PARP8: variants seen among roughly 807,000 people sequenced by gnomAD.
PARP8 encodes poly(ADP-ribose) polymerase family member 8.
A neutral mutation model predicts 124.1 loss-of-function variants in PARP8; 51 were observed. That is an observed-to-expected ratio of 0.41 (90% CI 0.33 to 0.52). The LOEUF is 0.52. PARP8 is among the 20% of genes least tolerant of loss of function. The probability of loss-of-function intolerance (pLI) is 0.21; values close to 1 mark genes in which losing one functional copy is unlikely to be tolerated. For missense variants in PARP8, 860 were observed against 1,018.9 expected, an observed-to-expected ratio of 0.84 and a Z score of 2.12; for synonymous variants, 391 against 361.5, an observed-to-expected ratio of 1.08 and a Z score of -0.93.
chr5:50,771,451 G>A (rs779838666), intron 7 of PARP8, among the ~76,000 whole-genome samples: 4 of 152,116 alleles, frequency 2.6e-5, no homozygotes, highest in South Asian at 2.1e-4. Context: ...GAGCCACTGC[G>A]CCCAACCAAT....
intron 2 of PARP8, among the ~76,000 whole-genome samples, chr5:50,709,953 T>TATATATAC (rs1554047126): frequency 4.0e-5 from 3 of 75,018 alleles, no homozygotes; most frequent in African/African-American, 1.2e-4. Flanking sequence ...TATATATATA[T>TATATATAC]ATACACATAC....
At chr5:50,747,843 GC>G (rs1758779061) in intron 2 of PARP8, among the ~76,000 whole-genome samples, 1 of 139,698 alleles carries the variant, frequency 7.2e-6, no homozygotes, top group African/African-American at 2.7e-5. Context: ...CGCGATCTCG[GC>G]TCACTTCAAG....
At chr5:50,706,758 A>G (rs957762228) in intron 2 of PARP8, among the ~76,000 whole-genome samples, 1 of 152,064 alleles carries the variant, frequency 6.6e-6, no homozygotes, top group African/African-American at 2.4e-5. Context: ...CAGTATCCAC[A>G]ATAATTTGAA....
chr5:50,701,739 T>G (rs1753617083), intron 2 of PARP8, among the ~76,000 whole-genome samples: 1 of 152,144 alleles, frequency 6.6e-6, no homozygotes, highest in African/African-American at 2.4e-5. Context: ...TATAGCTACA[T>G]CCTACAAAAA....
intron 14 of PARP8, among the ~76,000 whole-genome samples, chr5:50,813,605 C>A (rs1327838709): frequency 1.3e-5 from 2 of 151,998 alleles, no homozygotes; most frequent in Admixed American, 1.3e-4. Flanking sequence ...GCCTGATTGC[C>A]CTGGCCAGAA....
chr5:50,821,226 T>A lies in PARP8; in HGVS notation c.1682T>A (p.Leu561Gln), dbSNP rs140755482. The change falls in exon 16 of 26, where the codon CTA becomes CAA. Residue 561 changes from leucine to glutamine, a missense_variant. This residue lies in a region of PARP8 where 343 missense variants were observed against 474.7 expected (regional missense o/e 0.72). Coordinates refer to ENST00000281631, the MANE Select transcript of PARP8 (RefSeq NM_024615.4). ...GTATATTTCAAGGTGGTAGATCTAC[T>A]AGTATCCATGTGTAGGTCTGCGTTG... ...IATGAQVVDL[L>Q]VSMCRSALES... 1 of 1,614,006 alleles carries A rather than the reference T, an allele frequency of 6.2e-7. No homozygotes were observed. The highest frequency in any genetic ancestry group is 1.7e-5 in the Admixed American group (1 of 60,028).
At chr5:50,762,225 CTT>C (rs2149579048) in intron 6 of PARP8, among the ~76,000 whole-genome samples, 1 of 152,168 alleles carries the variant, frequency 6.6e-6, no homozygotes, top group East Asian at 1.9e-4. Context: ...GATAATGACA[CTT>C]GTAATAAAAG....
intron 7 of PARP8, among the ~76,000 whole-genome samples, chr5:50,768,662 G>A (rs1761289973): frequency 6.6e-6 from 1 of 152,134 alleles, no homozygotes; most frequent in African/African-American, 2.4e-5. Context: ...ACAATCAGAT[G>A]TCTAGCTTCA....
rs545512058 is a variant in PARP8 at position 50,832,564 on chromosome 5, G to A, written c.2234-217G>A. ...ATTAATTTTATGCAGAAGAATTTTCGATCCTTGCTTTCAATGCAAAAAAAT... is the reference window on the plus strand; with the variant it reads ...ATTAATTTTATGCAGAAGAATTTTCAATCCTTGCTTTCAATGCAAAAAAAT... On this transcript the variant is annotated intron_variant, in intron 22 of 25. Coordinates refer to ENST00000281631, the MANE Select transcript of PARP8 (RefSeq NM_024615.4). Among the ~76,000 whole-genome samples, 14 of 151,980 alleles carry A rather than the reference G, an allele frequency of 9.2e-5. No homozygotes were observed. In the South Asian group the frequency reaches 2.3e-3, roughly 25 times the overall value.
chr5:50,819,865 G>C (rs938320651), intron 15 of PARP8, among the ~76,000 whole-genome samples: 4 of 152,156 alleles, frequency 2.6e-5, no homozygotes, highest in African/African-American at 9.7e-5. Context: ...TAGAAGGAAT[G>C]TGAGGGTGGG....
At chr5:50,709,695 A>G (rs1313152128) in intron 2 of PARP8, among the ~76,000 whole-genome samples, 3 of 151,794 alleles carry the variant, frequency 2.0e-5, no homozygotes, top group African/African-American at 7.3e-5. Context: ...CAGAGATTAA[A>G]TTTGCTCGTT....
chr5:50,707,627 CAGAGAGAG>C (rs34400961), intron 2 of PARP8, among the ~76,000 whole-genome samples: 1,690 of 144,870 alleles, frequency 0.012, 10 homozygotes, highest in African/African-American at 0.023. Flanking sequence ...ATAGGGGAGA[CAGAGAGAG>C]AGAGAGAGAG....
intron 3 of PARP8, among the ~76,000 whole-genome samples, chr5:50,751,384 G>A (rs1580202558): frequency 1.3e-5 from 2 of 152,254 alleles, no homozygotes; most frequent in East Asian, 3.9e-4. Context: ...GAGCAAGTTT[G>A]CAATGAATTT....
chr5:50,695,755 G>A (rs1466315422), intron 2 of PARP8, among the ~76,000 whole-genome samples: 1 of 152,088 alleles, frequency 6.6e-6, no homozygotes, highest in Non-Finnish European at 1.5e-5. Flanking sequence ...TTGAAGCACT[G>A]CAATTTGATT....
chr5:50,769,458 A>G (rs1336628128), intron 7 of PARP8, among the ~76,000 whole-genome samples: 1 of 152,118 alleles, frequency 6.6e-6, no homozygotes, highest in Non-Finnish European at 1.5e-5. Flanking sequence ...TGGTGTAATT[A>G]TAAGTTGTTG....
At chr5:50,705,653 C>T (rs1201609582) in intron 2 of PARP8, among the ~76,000 whole-genome samples, 2 of 151,956 alleles carry the variant, frequency 1.3e-5, no homozygotes, top group Non-Finnish European at 2.9e-5. Context: ...GGCGTGATGG[C>T]GTGCGCCTGT....
At chr5:50,761,936 G>C (rs773215263) in intron 6 of PARP8, 38 bp downstream of exon 6, 3 of 1,327,156 alleles carry the variant, frequency 2.3e-6, no homozygotes, top group South Asian at 1.2e-5. Context: ...TAGTCTTAAA[G>C]TTCTAATAGC....
intron 2 of PARP8, among the ~76,000 whole-genome samples, chr5:50,741,396 AAGGT>A (rs1298003318): frequency 1.3e-5 from 2 of 152,180 alleles, no homozygotes; most frequent in Non-Finnish European, 2.9e-5. Context: ...GCATGGAACT[AAGGT>A]AGTGTAAAAA....
intron 2 of PARP8, among the ~76,000 whole-genome samples, chr5:50,709,185 T>C (rs986600349): frequency 1.3e-5 from 2 of 152,112 alleles, no homozygotes; most frequent in African/African-American, 4.8e-5. Flanking sequence ...TGATACTCAG[T>C]TTCTTATATT....
Sources: allele counts gnomAD v4.1 joint callset (sites outside exome capture counted in the v4.1 genomes callset), GRCh38; gene constraint gnomAD v4.1.1; regional missense constraint gnomAD v4.1.1; transcripts MANE v1.5; gene names NCBI Gene and HGNC (gene_info 2026-07-23, HGNC 2026-07-21).